The following IFIH1 variants were observed in gnomAD, a reference collection of about 807,000 sequenced individuals.
IFIH1 encodes the protein interferon-induced helicase C domain-containing protein 1.
A neutral mutation model predicts 107.4 loss-of-function variants in IFIH1; 125 were observed. The observed-to-expected ratio is 1.16, with a 90% CI of 1.01 to 1.35. The LOEUF (loss-of-function observed/expected upper bound fraction) is 1.35, where lower values mean the gene tolerates loss of function less well. IFIH1 is among the 40% of genes most tolerant of loss of function. The pLI, the probability that IFIH1 is intolerant of heterozygous loss-of-function variation, is 0.00. For synonymous variants in IFIH1, 458 were observed against 413.2 expected, an observed-to-expected ratio of 1.11 and a Z score of -1.31; for missense variants, 1,333 against 1,213.7, an observed-to-expected ratio of 1.10 and a Z score of -1.46.
At chr2:162,276,657 A>G (rs970711195) in intron 11 of IFIH1, 30 bp downstream of exon 11, 3 of 1,576,128 alleles carry the variant, frequency 1.9e-6, no homozygotes, top group Non-Finnish European at 2.6e-6. Context: ...GAAAGAAAAG[A>G]AAAGAAGTCG....
chr2:162,274,398 A>G (rs80323851), intron 11 of IFIH1, among the ~76,000 whole-genome samples: 2,411 of 152,290 alleles, frequency 0.016, 32 homozygotes, highest in Non-Finnish European at 0.025. Context: ...TGCACACTGT[A>G]TATGCATTTG....
chr2:162,318,452 C>T lies in IFIH1; in HGVS notation c.-145G>A. ...TGTGCCTGACAATGACGAGGTTGTC[C>T]ACAGGGCTCTCAGGCCGGCGCGCGG... On this transcript the variant is annotated 5_prime_UTR_variant, in exon 1 of 16. Transcript: ENST00000649979. The T allele has an allele frequency of 1.4e-6, 1 of 702,622 alleles. No individual in the cohort carries two copies. 43.5% of individuals were successfully genotyped at this position (702,622 alleles called of 1,614,324 possible).
intron 2 of IFIH1, among the ~76,000 whole-genome samples, chr2:162,309,667 T>C (rs1683356254): frequency 1.3e-5 from 2 of 152,380 alleles, no homozygotes; most frequent in Admixed American, 6.5e-5. Context: ...TTGTTATCAA[T>C]TGGTTGTTCT....
intron 1 of IFIH1, among the ~76,000 whole-genome samples, chr2:162,312,595 T>C (rs563859383): frequency 9.2e-5 from 14 of 152,320 alleles, no homozygotes; most frequent in Admixed American, 7.2e-4. Flanking sequence ...AAAATAACTA[T>C]TTGAACTCAG....
chr2:162,270,317 T>C (rs1185498678), intron 13 of IFIH1, among the ~76,000 whole-genome samples: 1 of 152,256 alleles, frequency 6.6e-6, no homozygotes, highest in Non-Finnish European at 1.5e-5. Context: ...AGCTCTGTTA[T>C]GTTTAAACTG....
chr2:162,287,068 G>A (rs923992935), intron 5 of IFIH1, among the ~76,000 whole-genome samples: 1 of 151,850 alleles, frequency 6.6e-6, no homozygotes, highest in African/African-American at 2.4e-5. Flanking sequence ...AAATTTGAAT[G>A]TGTCACCATT....
chr2:162,293,808 T>C (rs1683040795), intron 3 of IFIH1, 140 bp from the exon 4 acceptor site: 2 of 550,158 alleles, frequency 3.6e-6, no homozygotes, highest in South Asian at 5.3e-5. Context: ...GAATAAAAGG[T>C]AAGCGCTTCT....
intron 1 of IFIH1, among the ~76,000 whole-genome samples, chr2:162,311,724 C>G (rs971542058): frequency 2.0e-5 from 3 of 152,084 alleles, no homozygotes; most frequent in Admixed American, 1.3e-4. Flanking sequence ...GAAAGAGTAA[C>G]TCAAGCCATG....
At chr2:162,285,164 C>T (rs1425559612) in intron 5 of IFIH1, among the ~76,000 whole-genome samples, 2 of 151,948 alleles carry the variant, frequency 1.3e-5, no homozygotes, top group African/African-American at 4.8e-5. Flanking sequence ...CAACTGCTAC[C>T]CACTTCTGCT....
chr2:162,281,811 G>A (rs758822071), intron 6 of IFIH1, among the ~76,000 whole-genome samples: 46 of 151,940 alleles, frequency 3.0e-4, no homozygotes, highest in Non-Finnish European at 5.7e-4. Context: ...GCTAAAAAGC[G>A]TTAGATGTGG....
At chr2:162,298,322 C>T (rs1239984414) in intron 3 of IFIH1, among the ~76,000 whole-genome samples, 2 of 152,168 alleles carry the variant, frequency 1.3e-5, no homozygotes, top group Non-Finnish European at 1.5e-5. Flanking sequence ...CAGTCTGCCA[C>T]ACACTATTTT....
chr2:162,275,559 C>G (rs1349676708), intron 11 of IFIH1, among the ~76,000 whole-genome samples: 1 of 152,138 alleles, frequency 6.6e-6, no homozygotes, highest in Non-Finnish European at 1.5e-5. Flanking sequence ...GCAATGCTCA[C>G]AGGAGTGCAT....
intron 2 of IFIH1, among the ~76,000 whole-genome samples, chr2:162,307,660 AATTTTCTAACGTATC>A (rs1683309338): frequency 6.6e-6 from 1 of 152,166 alleles, no homozygotes; most frequent in Non-Finnish European, 1.5e-5. Flanking sequence ...CCATAAGGAA[AATTTTCTAACGTATC>A]ATTTTTTATT....
rs375098564 is a variant in IFIH1, at chr2:162,277,296, T to A, written c.2044+119A>T. ...GTCATATCATTAGAAATAGTTCCAA[T>A]CTGAGTGGGATTTCTTCTTTCAAAA... is the stretch of plus-strand genomic sequence containing the variant. On this transcript the variant is annotated intron_variant, in intron 10 of 15. Transcript: ENST00000649979. 1.2e-4 allele frequency: 86 copies of A among 721,594 alleles called. No individual in the cohort carries two copies. In the East Asian group the frequency reaches 1.6e-3, roughly 13 times the overall value. 44.7% of individuals were successfully genotyped at this position (721,594 alleles called of 1,614,324 possible).
chr2:162,318,101 T>A lies in IFIH1; in HGVS notation c.207A>T (p.Gly69=). 1 of 1,614,168 alleles carries A rather than the reference T, an allele frequency of 6.2e-7. No individual in the cohort carries two copies. The highest frequency in any genetic ancestry group is 8.5e-7 in the Non-Finnish European group (1 of 1,180,024). Residue 69 remains glycine, a synonymous_variant, in exon 1 of 16, where the codon GGA becomes GGT. Coordinates refer to ENST00000649979, the MANE Select transcript of IFIH1 (RefSeq NM_022168.4). ...VELLLSTLEK[G]VWHLGWTREF... is the part of the protein sequence containing the mutation. ...CCCGAGTCCAACCAAGGTGCCAGACTCCCTTCTCCAAGGTGCTCAGCAGCA... is the reference window on the plus strand; with the variant it reads ...CCCGAGTCCAACCAAGGTGCCAGACACCCTTCTCCAAGGTGCTCAGCAGCA...
intron 13 of IFIH1, among the ~76,000 whole-genome samples, 183 bp downstream of exon 13, chr2:162,272,043 T>A (rs1393024185): frequency 6.6e-6 from 1 of 152,200 alleles, no homozygotes; most frequent in Non-Finnish European, 1.5e-5. Context: ...GGCTCCCTGA[T>A]AATTTCCTGC....
intron 1 of IFIH1, among the ~76,000 whole-genome samples, chr2:162,317,621 C>T (rs756611783): frequency 3.9e-5 from 6 of 152,204 alleles, no homozygotes; most frequent in Non-Finnish European, 7.3e-5. Context: ...CCTGTTAATA[C>T]ACATTACGAT....
At chr2:162,269,096 A>G (rs7578928) in intron 13 of IFIH1, among the ~76,000 whole-genome samples, 16,923 of 152,158 alleles carry the variant, frequency 0.11, 3,194 homozygotes, top group African/African-American at 0.39. Flanking sequence ...AGCAGAAACC[A>G]CTAGTTTTTC....
chr2:162,318,483 C>T lies in IFIH1; in HGVS notation c.-176G>A. ...GCTCTCAGGCCGGCGCGCGGGGCTG[C>T]ACTCGCACCTGGGCAGGTGGGCAGG... On this transcript the variant is annotated 5_prime_UTR_variant, in exon 1 of 16. Coordinates refer to ENST00000649979, the MANE Select transcript of IFIH1 (RefSeq NM_022168.4). The T allele has an allele frequency of 1.8e-6, 1 of 565,434 alleles. No homozygotes were observed. The highest frequency in any genetic ancestry group is 3.1e-6 in the Non-Finnish European group (1 of 325,878). The allele number at this position is 565,434 out of a possible 1,614,324, so 35.0% of individuals were successfully genotyped here.
Sources: gnomAD v4.1 joint callset for allele counts (sites outside exome capture counted in the v4.1 genomes callset) on GRCh38, gnomAD v4.1.1 for gene constraint, MANE v1.5 for transcripts, NCBI Gene and HGNC (gene_info 2026-07-23, HGNC 2026-07-21) for gene names.